The following TDRD5 variants were observed in gnomAD, a reference collection of about 807,000 sequenced individuals.
TDRD5 encodes the protein tudor domain-containing protein 5.
A neutral mutation model predicts 120.6 loss-of-function variants in TDRD5; 41 were observed. That is an observed-to-expected ratio of 0.34 (90% CI 0.26 to 0.44). The LOEUF is 0.44. Ranked by LOEUF, TDRD5 falls within the 20% of genes least tolerant of loss-of-function variation. The pLI is 1.00. For synonymous variants in TDRD5, 430 were observed against 433.7 expected, an observed-to-expected ratio of 0.99 and a Z score of 0.11; for missense variants, 1,006 against 1,221.2, an observed-to-expected ratio of 0.82 and a Z score of 2.63.
chr1:179,599,586 C>G (rs1675588720), intron 4 of TDRD5, among the ~76,000 whole-genome samples: 1 of 150,954 alleles, frequency 6.6e-6, no homozygotes, highest in Non-Finnish European at 1.5e-5. Flanking sequence ...AGGTGCTGTC[C>G]ATTTCATCTA....
At chr1:179,592,534 A>G (rs2101898686) in intron 1 of TDRD5, 68 bp from the exon 2 acceptor site, 3 of 1,253,270 alleles carry the variant, frequency 2.4e-6, no homozygotes, top group Non-Finnish European at 3.4e-6. Context: ...GTATCCCACT[A>G]TTGGTTTTTT....
At chr1:179,604,297 A>G (rs1387092501) in intron 4 of TDRD5, among the ~76,000 whole-genome samples, 1 of 151,900 alleles carries the variant, frequency 6.6e-6, no homozygotes, top group African/African-American at 2.4e-5. Flanking sequence ...CTAATGGTCT[A>G]TTAATTTTAT....
At chr1:179,623,808 A>C (rs1276206677) in intron 6 of TDRD5, among the ~76,000 whole-genome samples, 1 of 151,026 alleles carries the variant, frequency 6.6e-6, no homozygotes, top group Non-Finnish European at 1.5e-5. Flanking sequence ...CAATTAAAAA[A>C]AAAATTTTTT....
At chr1:179,658,875 T>C (rs1338125049) in intron 14 of TDRD5, among the ~76,000 whole-genome samples, 1 of 152,212 alleles carries the variant, frequency 6.6e-6, no homozygotes, top group African/African-American at 2.4e-5. Context: ...GAGACCTTTC[T>C]TTTCTAATAT....
intron 11 of TDRD5, among the ~76,000 whole-genome samples, chr1:179,645,327 C>T (rs1032827778): frequency 3.3e-5 from 5 of 151,772 alleles, no homozygotes; most frequent in African/African-American, 7.3e-5. Flanking sequence ...CCTCGTGATC[C>T]GCCCGCCTCG....
intron 13 of TDRD5, among the ~76,000 whole-genome samples, chr1:179,653,988 T>C (rs1678857979): frequency 6.6e-6 from 1 of 152,228 alleles, no homozygotes; most frequent in Admixed American, 6.5e-5. Flanking sequence ...CAGAGCTGTC[T>C]TGTAGACATT....
intron 14 of TDRD5, among the ~76,000 whole-genome samples, chr1:179,655,410 T>A (rs1364619511): frequency 1.3e-5 from 2 of 152,244 alleles, no homozygotes; most frequent in African/African-American, 4.8e-5. Context: ...ACACCTTTTT[T>A]TCCCTTGCAT....
chr1:179,631,324 G>A (rs913126713), intron 7 of TDRD5, among the ~76,000 whole-genome samples: 13 of 152,140 alleles, frequency 8.5e-5, no homozygotes, highest in East Asian at 1.9e-4. Context: ...CCCGGGAGGC[G>A]GAGCTTGCCG....
At chr1:179,627,897 A>G (rs994765648) in intron 6 of TDRD5, among the ~76,000 whole-genome samples, 2 of 152,206 alleles carry the variant, frequency 1.3e-5, no homozygotes, top group Admixed American at 1.3e-4. Flanking sequence ...GCATACATCT[A>G]TAGAGTGTTC....
chr1:179,684,968 C>T (rs934944842), intron 17 of TDRD5, among the ~76,000 whole-genome samples: 8 of 152,044 alleles, frequency 5.3e-5, no homozygotes, highest in Non-Finnish European at 8.8e-5. Context: ...GGGTAGATTG[C>T]AAAAATTTTC....
At chr1:179,689,463 A>G (rs12138352) in intron 17 of TDRD5, among the ~76,000 whole-genome samples, 36,567 of 152,138 alleles carry the variant, frequency 0.24, 4,935 homozygotes, top group East Asian at 0.35. Flanking sequence ...ATTGGCCCCT[A>G]CTGGGAGGTG....
At chr1:179,632,397 TG>T (rs1479591837) in intron 7 of TDRD5, among the ~76,000 whole-genome samples, 4 of 149,168 alleles carry the variant, frequency 2.7e-5, no homozygotes, top group South Asian at 2.1e-4. Flanking sequence ...GGACAGGTTT[TG>T]TTTTTTTTTT....
At chr1:179,678,256 C>T (rs970752370) in intron 17 of TDRD5, among the ~76,000 whole-genome samples, 1 of 152,198 alleles carries the variant, frequency 6.6e-6, no homozygotes, top group Admixed American at 6.5e-5. Context: ...TCACTCCCAC[C>T]GTGGCTCCCT....
At chr1:179,674,120 G>A (rs10913858) in intron 17 of TDRD5, among the ~76,000 whole-genome samples, 51,231 of 152,006 alleles carry the variant, frequency 0.34, 8,866 homozygotes, top group Admixed American at 0.42. Flanking sequence ...ATCCTTGTCT[G>A]TTCCATTTCT....
chr1:179,606,871 G>A (rs1433670885), intron 4 of TDRD5, among the ~76,000 whole-genome samples: 1 of 152,052 alleles, frequency 6.6e-6, no homozygotes, highest in African/African-American at 2.4e-5. Context: ...TTGAAGTTGG[G>A]TAGTGTCAAT....
intron 16 of TDRD5, among the ~76,000 whole-genome samples, chr1:179,668,563 A>G (rs939109387): frequency 6.6e-6 from 1 of 152,142 alleles, no homozygotes; most frequent in Non-Finnish European, 1.5e-5. Flanking sequence ...ACTGTGCCCG[A>G]CACGGGGTGC....
At chr1:179,660,949 A>G (rs1417323387) in intron 14 of TDRD5, among the ~76,000 whole-genome samples, 1 of 152,214 alleles carries the variant, frequency 6.6e-6, no homozygotes, top group East Asian at 1.9e-4. Context: ...TTGGCTGTAT[A>G]TAGAAACCTG....
chr1:179,682,100 T>TAA (rs1306211173), intron 17 of TDRD5, among the ~76,000 whole-genome samples: 1 of 149,470 alleles, frequency 6.7e-6, no homozygotes, highest in Non-Finnish European at 1.5e-5. Flanking sequence ...ATCATATATA[T>TAA]AACTTTTGAA....
At chr1:179,624,781 C>T (rs1372392114) in intron 6 of TDRD5, among the ~76,000 whole-genome samples, 1 of 152,076 alleles carries the variant, frequency 6.6e-6, no homozygotes, top group African/African-American at 2.4e-5. Flanking sequence ...GGTGAGAAGA[C>T]TCATTATTGA....
Sources: allele counts gnomAD v4.1 joint callset (sites outside exome capture counted in the v4.1 genomes callset), GRCh38; gene constraint gnomAD v4.1.1; transcripts MANE v1.5; gene names NCBI Gene and HGNC (gene_info 2026-07-23, HGNC 2026-07-21).